GNB4: variants seen among roughly 807,000 people sequenced by gnomAD.
The protein encoded by GNB4 is G protein subunit beta 4.
A neutral mutation model predicts 45.2 loss-of-function variants in GNB4; 28 were observed. The ratio of observed to expected loss-of-function variants is 0.62; its 90% CI spans 0.46 to 0.85. GNB4 has a LOEUF of 0.85. GNB4 is among the 40% of genes least tolerant of loss of function. The pLI is 0.00. For missense variants in GNB4, 321 were observed against 425.4 expected (o/e 0.75, Z 2.16); for synonymous variants, 132 against 143.7 (o/e 0.92, Z 0.58).
chr3:179,414,826 G>C, intron 6 of GNB4, 59 bp downstream of exon 6: 1 of 1,392,818 alleles, frequency 7.2e-7, no homozygotes, highest in East Asian at 2.4e-5. Context: ...ATTTGTCCTT[G>C]ATCAGCACAT....
At chr3:179,511,949 C>T in the GNB4 span, among the ~76,000 whole-genome samples, 1 of 152,192 alleles carries the variant, frequency 6.6e-6, no homozygotes, top group Non-Finnish European at 1.5e-5. Context: ...ATGAGGCTAG[C>T]ATGACTAAAG....
the GNB4 span, among the ~76,000 whole-genome samples, chr3:179,506,538 C>A: frequency 6.6e-6 from 1 of 151,868 alleles, no homozygotes; most frequent in African/African-American, 2.4e-5. Context: ...AGGAAGAAAA[C>A]AAGTTTTGGT....
intron 1 of GNB4, among the ~76,000 whole-genome samples, chr3:179,431,907 T>G (rs1016623765): frequency 6.6e-6 from 1 of 152,216 alleles, no homozygotes; most frequent in African/African-American, 2.4e-5. Context: ...GTGGAGAACC[T>G]TTCAGTTTCA....
chr3:179,451,166 C>T (rs1715863103), intron 1 of GNB4, 180 bp downstream of exon 1: 1 of 151,920 alleles, frequency 6.6e-6, no homozygotes, highest in African/African-American at 2.4e-5. Context: ...CAGGCGCGCC[C>T]TCCTCGTCCC....
At chr3:179,408,470 G>C (rs950600729) in intron 8 of GNB4, among the ~76,000 whole-genome samples, 1 of 152,108 alleles carries the variant, frequency 6.6e-6, no homozygotes, top group African/African-American at 2.4e-5. Context: ...AGTCTCCAAA[G>C]GAAGGAAGAG....
chr3:179,430,932 T>C (rs1173351927), intron 1 of GNB4, among the ~76,000 whole-genome samples: 1 of 152,248 alleles, frequency 6.6e-6, no homozygotes, highest in Non-Finnish European at 1.5e-5. Flanking sequence ...TTTTTTTTGC[T>C]GTATTTGCTT....
intron 1 of GNB4, among the ~76,000 whole-genome samples, chr3:179,436,596 ATTTT>A (rs952685275): frequency 6.6e-6 from 1 of 151,346 alleles, no homozygotes; most frequent in East Asian, 1.9e-4. Context: ...AGCTTTTATG[ATTTT>A]TTTTTAACTA....
the GNB4 span, among the ~76,000 whole-genome samples, chr3:179,461,280 G>A: frequency 6.6e-6 from 1 of 152,048 alleles, no homozygotes; most frequent in Non-Finnish European, 1.5e-5. Flanking sequence ...GGCGGATCAC[G>A]AGGTCAGGAG....
At chr3:179,485,872 G>A in the GNB4 span, among the ~76,000 whole-genome samples, 1 of 152,014 alleles carries the variant, frequency 6.6e-6, no homozygotes, top group South Asian at 2.1e-4. Flanking sequence ...CCCAGGAGGT[G>A]AAGGTTGCAG....
chr3:179,412,687 T>A (rs1167879272), intron 8 of GNB4, among the ~76,000 whole-genome samples: 1 of 152,108 alleles, frequency 6.6e-6, no homozygotes, highest in Non-Finnish European at 1.5e-5. Flanking sequence ...TGCACTGACT[T>A]CAAAAGCTAT....
intron 1 of GNB4, among the ~76,000 whole-genome samples, chr3:179,445,444 T>C (rs916005142): frequency 6.6e-6 from 1 of 152,010 alleles, no homozygotes; most frequent in Admixed American, 6.6e-5. Flanking sequence ...ACCACCACGC[T>C]TGGCTAATTT....
At chr3:179,405,125 A>T (rs1427975470) in intron 9 of GNB4, 65 bp downstream of exon 9, 1 of 1,245,700 alleles carries the variant, frequency 8.0e-7, no homozygotes, top group Non-Finnish European at 1.1e-6. Context: ...GGCCTAGAAC[A>T]CAACTGATGG....
the GNB4 span, among the ~76,000 whole-genome samples, chr3:179,484,616 G>A: frequency 2.0e-5 from 3 of 150,250 alleles, no homozygotes; most frequent in Admixed American, 6.6e-5. Flanking sequence ...GCATTTTTGT[G>A]CTTTTTGTTG....
chr3:179,465,447 AC>A, the GNB4 span: 2 of 386,580 alleles, frequency 5.2e-6, no homozygotes, highest in South Asian at 2.6e-5. Context: ...TACTAAAAAT[AC>A]AAAAAAAAAA....
upstream of GNB4, among the ~76,000 whole-genome samples, chr3:179,456,092 T>A (rs1715971695): frequency 2.0e-5 from 3 of 151,292 alleles, no homozygotes; most frequent in African/African-American, 7.3e-5. Context: ...CAAATTCATG[T>A]AATAGGGACA....
the GNB4 span, chr3:179,464,435 C>G: frequency 6.5e-7 from 1 of 1,541,946 alleles, no homozygotes; most frequent in Non-Finnish European, 9.0e-7. Flanking sequence ...CCTTCCACCT[C>G]ACGGCAGTTA....
At chr3:179,448,437 TTCTTTAA>T (rs1333002248) in intron 1 of GNB4, among the ~76,000 whole-genome samples, 3 of 152,152 alleles carry the variant, frequency 2.0e-5, no homozygotes, top group African/African-American at 7.2e-5. Context: ...ATTTTTTCAG[TTCTTTAA>T]TCTTTAATCC....
At chr3:179,475,021 G>C in the GNB4 span, among the ~76,000 whole-genome samples, 17 of 152,232 alleles carry the variant, frequency 1.1e-4, no homozygotes, top group African/African-American at 3.9e-4. Context: ...CCTTCAAGCT[G>C]TGTCATCCAA....
the GNB4 span, among the ~76,000 whole-genome samples, chr3:179,487,363 G>C: frequency 1.3e-5 from 2 of 151,986 alleles, no homozygotes; most frequent in African/African-American, 2.4e-5. Flanking sequence ...TTTTAAAGTG[G>C]GTCATACATG....
Sources: gnomAD v4.1 joint callset for allele counts (sites outside exome capture counted in the v4.1 genomes callset) on GRCh38, gnomAD v4.1.1 for gene constraint, MANE v1.5 for transcripts, NCBI Gene and HGNC (gene_info 2026-07-23, HGNC 2026-07-21) for gene names.